Variants in OSBPL10 observed in about 807,000 individuals in gnomAD.
The protein encoded by OSBPL10 is oxysterol-binding protein-related protein 10.
A neutral mutation model predicts 81.7 loss-of-function variants in OSBPL10; 49 were observed. The observed-to-expected ratio is 0.60, with a 90% CI of 0.48 to 0.76. The LOEUF (loss-of-function observed/expected upper bound fraction) is 0.76. OSBPL10 is among the 30% of genes least tolerant of loss of function. The pLI is 0.00. For missense variants in OSBPL10, 923 were observed against 987.8 expected (o/e 0.93, Z 0.88); for synonymous variants, 419 against 383.6 (o/e 1.09, Z -1.08).
At chr3:31,684,852 T>C (rs1700751424) in intron 7 of OSBPL10, among the ~76,000 whole-genome samples, 1 of 152,188 alleles carries the variant, frequency 6.6e-6, no homozygotes, top group Non-Finnish European at 1.5e-5. Flanking sequence ...GCACTTAACA[T>C]ACAGAACCTG....
At chr3:31,841,372 C>T (rs1050813785) in intron 3 of OSBPL10, among the ~76,000 whole-genome samples, 2 of 152,212 alleles carry the variant, frequency 1.3e-5, no homozygotes, top group South Asian at 4.1e-4. Context: ...AAGCGCCTGA[C>T]TCACTCTCAG....
chr3:31,764,237 C>T (rs1698137209), intron 4 of OSBPL10, among the ~76,000 whole-genome samples: 1 of 152,210 alleles, frequency 6.6e-6, no homozygotes, highest in Non-Finnish European at 1.5e-5. Context: ...CATATAAACA[C>T]ACAGAATGAA....
chr3:31,725,424 G>GA (rs1301159360), intron 6 of OSBPL10, among the ~76,000 whole-genome samples: 2 of 152,112 alleles, frequency 1.3e-5, no homozygotes, highest in African/African-American at 4.8e-5. Context: ...AAGAGAAAAA[G>GA]AAAAAACCCG....
At chr3:31,882,286 ATCTC>A (rs1695604860) in intron 1 of OSBPL10, among the ~76,000 whole-genome samples, 1 of 152,104 alleles carries the variant, frequency 6.6e-6, no homozygotes, top group Admixed American at 6.5e-5. Flanking sequence ...CTTCCCTCTC[ATCTC>A]TCAAGTCATT....
At chr3:31,698,069 TTC>T (rs1440918133) in intron 7 of OSBPL10, among the ~76,000 whole-genome samples, 1 of 151,986 alleles carries the variant, frequency 6.6e-6, no homozygotes, top group Non-Finnish European at 1.5e-5. Context: ...GCCAGCTTCC[TTC>T]TCTCTTCTAC....
chr3:31,827,288 A>G (rs537119670), intron 4 of OSBPL10, among the ~76,000 whole-genome samples: 3 of 151,972 alleles, frequency 2.0e-5, no homozygotes, highest in South Asian at 4.2e-4. Context: ...GACAACAGAG[A>G]AAAAACAATA....
intron 1 of OSBPL10, among the ~76,000 whole-genome samples, chr3:31,955,452 G>C (rs1697982596): frequency 6.6e-6 from 1 of 152,224 alleles, no homozygotes; most frequent in South Asian, 2.1e-4. Flanking sequence ...GGTCAGGACT[G>C]TGCCAAAGGC....
At chr3:32,037,234 A>G (rs1699528550) in intron 2 of OSBPL10, among the ~76,000 whole-genome samples, 1 of 152,244 alleles carries the variant, frequency 6.6e-6, no homozygotes, top group South Asian at 2.1e-4. Context: ...GGAGGCAGTC[A>G]GCCTTCTGTG....
chr3:32,040,746 A>G (rs1247922635), intron 2 of OSBPL10, among the ~76,000 whole-genome samples: 2 of 152,100 alleles, frequency 1.3e-5, no homozygotes. Flanking sequence ...CTGAGGTGGG[A>G]AGATTGCTTG....
At chr3:31,862,674 A>G (rs1701087769) in intron 3 of OSBPL10, among the ~76,000 whole-genome samples, 1 of 152,232 alleles carries the variant, frequency 6.6e-6, no homozygotes, top group African/African-American at 2.4e-5. Flanking sequence ...CAATAAGCAT[A>G]TAAAAAGAGA....
intron 4 of OSBPL10, among the ~76,000 whole-genome samples, chr3:31,784,994 C>T (rs1389779429): frequency 6.6e-6 from 1 of 152,146 alleles, no homozygotes; most frequent in African/African-American, 2.4e-5. Flanking sequence ...AAGCAATTCT[C>T]CTGCCTCAGC....
At chr3:31,866,222 C>T (rs1036120409) in intron 3 of OSBPL10, among the ~76,000 whole-genome samples, 3 of 152,160 alleles carry the variant, frequency 2.0e-5, no homozygotes, top group Non-Finnish European at 4.4e-5. Flanking sequence ...TCTCCTCCTT[C>T]CCACCCCAAC....
intron 2 of OSBPL10, among the ~76,000 whole-genome samples, chr3:31,878,815 A>ATGTGTGTG (rs59233088): frequency 0.015 from 2,048 of 136,404 alleles, 36 homozygotes; most frequent in African/African-American, 0.033. Context: ...CTGCGTGTCC[A>ATGTGTGTG]TGTGTGTGTG....
chr3:31,664,228 G>C lies in OSBPL10; in HGVS notation c.2101C>G (p.Leu701Val). 1.2e-6 allele frequency: 2 copies of C among 1,612,288 alleles called. No homozygotes were observed. Among genetic ancestry groups the C allele is most frequent in the Non-Finnish European group, 1.7e-6 (2 of 1,180,010 alleles). Residue 701 changes from leucine (L) to valine (V), a missense_variant, in exon 11 of 12, where the codon CTC becomes GTC. By Grantham distance (32) the Leu-to-Val change is conservative. Coordinates refer to ENST00000396556, the MANE Select transcript of OSBPL10 (RefSeq NM_017784.5). ...AGGTATCGGGTCACCTCCCGCCAGA[G>C]GTTCCTGGGGATGCGTGGAGGAGAG... is the stretch of plus-strand genomic sequence containing the variant. ...EKQGPMESRN[L>V]WREVTRYLRL...
At chr3:31,972,411 C>T (rs767219848) in intron 1 of OSBPL10, among the ~76,000 whole-genome samples, 2 of 151,900 alleles carry the variant, frequency 1.3e-5, no homozygotes, top group African/African-American at 2.4e-5. Context: ...GAAAGTTTCC[C>T]GACTCTGCCC....
chr3:31,742,244 C>T (rs988451564), intron 5 of OSBPL10, among the ~76,000 whole-genome samples: 1 of 152,166 alleles, frequency 6.6e-6, no homozygotes, highest in Non-Finnish European at 1.5e-5. Flanking sequence ...TCCGGAAAAA[C>T]GTAAAGTACC....
At chr3:31,748,643 C>CAAA (rs5847713) in intron 4 of OSBPL10, among the ~76,000 whole-genome samples, 15,156 of 127,394 alleles carry the variant, frequency 0.12, 1,192 homozygotes, top group East Asian at 0.21. Context: ...CGCTCGCTTG[C>CAAA]AAAAAAAAAA....
intron 3 of OSBPL10, among the ~76,000 whole-genome samples, chr3:31,869,267 G>C (rs549476663): frequency 4.7e-4 from 71 of 152,362 alleles, no homozygotes; most frequent in African/African-American, 1.7e-3. Flanking sequence ...ATCATTGGCA[G>C]AGCAGGGATT....
chr3:31,705,759 C>T (rs558615515), intron 6 of OSBPL10, among the ~76,000 whole-genome samples: 4 of 152,300 alleles, frequency 2.6e-5, no homozygotes, highest in East Asian at 1.9e-4. Context: ...AGCCCCTGCA[C>T]GCCTCCCCTC....
Sources: gnomAD v4.1 joint callset for allele counts (sites outside exome capture counted in the v4.1 genomes callset) on GRCh38, gnomAD v4.1.1 for gene constraint, MANE v1.5 for transcripts, NCBI Gene and HGNC (gene_info 2026-07-23, HGNC 2026-07-21) for gene names.